CPA6: variants seen among roughly 807,000 people sequenced by gnomAD.
CPA6 encodes carboxypeptidase A6, also known as carboxypeptidase B.
CPA6 carries 58 observed loss-of-function variants against 63.3 expected under a neutral mutation model. The observed-to-expected ratio is 0.92, with a 90% CI of 0.74 to 1.14. The LOEUF is 1.14. CPA6 is among the 50% of genes most tolerant of loss of function. The probability of loss-of-function intolerance (pLI) is 0.00; values close to 1 mark genes in which losing one functional copy is unlikely to be tolerated. For missense variants in CPA6, 565 were observed against 526.6 expected, an observed-to-expected ratio of 1.07 and a Z score of -0.71; for synonymous variants, 185 against 179.0, an observed-to-expected ratio of 1.03 and a Z score of -0.27.
At chr8:67,732,992 C>T (rs182887693) in intron 1 of CPA6, among the ~76,000 whole-genome samples, 2 of 151,636 alleles carry the variant, frequency 1.3e-5, no homozygotes, top group Non-Finnish European at 2.9e-5. Flanking sequence ...GTCAGGAGAT[C>T]GAGACGATCC....
intron 8 of CPA6, among the ~76,000 whole-genome samples, chr8:67,445,982 C>T (rs748382121): frequency 8.9e-4 from 136 of 152,072 alleles, no homozygotes; most frequent in Non-Finnish European, 1.6e-3. Context: ...TAGTCATTTA[C>T]GGCCGGGGGC....
rs1817009654 is a variant in CPA6 at position 67,700,863 on chromosome 8, A to G, written c.116+45151T>C. ...CATGCTAGCATTCAAACATAAAATA[A>G]TAATCCTCAATCATTGATTTTTAAT... On this transcript the variant is annotated intron_variant, in intron 1 of 10. Transcript: ENST00000297770. Among the ~76,000 whole-genome samples, 6 of 152,188 alleles carry G rather than the reference A, an allele frequency of 3.9e-5. No homozygotes were observed. The South Asian group carries it at 1.2e-3, about 31-fold the overall frequency.
At position 67,480,269 on chromosome 8, in the gene CPA6, T is replaced by A. The variant is rs537868311; in HGVS notation, c.838+3499A>T. ...TACAATTCAATGGCTTTCAGTATAT[T>A]CACAATTGTCACATCTCATTCTAGA... On this transcript the variant is annotated intron_variant, in intron 8 of 10. Coordinates refer to ENST00000297770, the MANE Select transcript of CPA6 (RefSeq NM_020361.5). Among the ~76,000 whole-genome samples the A allele has an allele frequency of 1.4e-4, 21 of 152,274 alleles. No individual in the cohort carries two copies. In the East Asian group the frequency reaches 4.1e-3, roughly 29 times the overall value.
At chr8:67,558,185 C>T (rs1490099208) in intron 2 of CPA6, among the ~76,000 whole-genome samples, 2 of 152,186 alleles carry the variant, frequency 1.3e-5, no homozygotes, top group African/African-American at 4.8e-5. Context: ...CTGGAATGTT[C>T]TCTCTTGAGA....
At chr8:67,724,548 T>C (rs1817561395) in intron 1 of CPA6, among the ~76,000 whole-genome samples, 1 of 152,162 alleles carries the variant, frequency 6.6e-6, no homozygotes, top group Non-Finnish European at 1.5e-5. Flanking sequence ...GTTTAGAAAC[T>C]GAGTTTTGAG....
intron 1 of CPA6, among the ~76,000 whole-genome samples, chr8:67,659,684 G>A (rs1816066048): frequency 6.6e-6 from 1 of 152,156 alleles, no homozygotes; most frequent in Non-Finnish European, 1.5e-5. Flanking sequence ...CTGCCCTGAG[G>A]TCCTACTCTA....
chr8:67,615,663 A>G (rs954523167), intron 2 of CPA6, among the ~76,000 whole-genome samples: 2 of 152,214 alleles, frequency 1.3e-5, no homozygotes, highest in Non-Finnish European at 2.9e-5. Flanking sequence ...TTGCTCTTCC[A>G]TCAGTGCCTC....
At chr8:67,443,767 A>G (rs2128954310) in intron 8 of CPA6, among the ~76,000 whole-genome samples, 1 of 152,064 alleles carries the variant, frequency 6.6e-6, no homozygotes, top group South Asian at 2.1e-4. Flanking sequence ...AGGCAAGTCT[A>G]TAATCAGGGA....
chr8:67,568,796 T>C lies in CPA6; in HGVS notation c.193-50749A>G, dbSNP rs188953670. 4.6e-3 allele frequency among the ~76,000 whole-genome samples: 696 copies of C among 152,300 alleles called. 4 individuals carry two copies. Among genetic ancestry groups the C allele is most frequent in the African/African-American group, 0.016 (649 of 41,570 alleles). On this transcript the variant is annotated intron_variant, in intron 2 of 10. Transcript: ENST00000297770. ...GCAGAGTTTTGCTCTTGTTGCCCAG[T>C]TTGGAGTGCAGTGGCACGATCTCGG...
rs184179821 is a variant in CPA6 at position 67,496,647 on chromosome 8, G to A, written c.636+10140C>T. Among the ~76,000 whole-genome samples the A allele has an allele frequency of 2.8e-3, 416 of 148,732 alleles. 1 individual carries two copies. Among genetic ancestry groups the A allele is most frequent in the African/African-American group, 9.6e-3 (388 of 40,418 alleles). Reference sequence around the variant, plus strand: ...ACAATCTTGGCAGATTGCAACCTCCGCCTCCCCGGTTCAAGCGATTCTCCT... The same window carrying A: ...ACAATCTTGGCAGATTGCAACCTCCACCTCCCCGGTTCAAGCGATTCTCCT... On this transcript the variant is annotated intron_variant, in intron 6 of 10. Coordinates refer to ENST00000297770, the MANE Select transcript of CPA6 (RefSeq NM_020361.5).
At chr8:67,424,853 A>C (rs1266445444) in intron 10 of CPA6, among the ~76,000 whole-genome samples, 1 of 152,124 alleles carries the variant, frequency 6.6e-6, no homozygotes, top group Non-Finnish European at 1.5e-5. Flanking sequence ...AGCCTTTAAC[A>C]CAGCTGACAA....
intron 2 of CPA6, among the ~76,000 whole-genome samples, chr8:67,530,456 T>C (rs1812455433): frequency 2.6e-5 from 4 of 152,170 alleles, no homozygotes. Context: ...AAACTAGTCC[T>C]GGGACTTACG....
chr8:67,622,483 G>T (rs180846858), intron 2 of CPA6, among the ~76,000 whole-genome samples: 17 of 152,246 alleles, frequency 1.1e-4, no homozygotes, highest in Admixed American at 1.1e-3. Context: ...CACAATTTGG[G>T]GATGGGTTCT....
In CPA6 at chr8:67,547,561, G is replaced by A. The variant is rs920756964; in HGVS notation, c.193-29514C>T. Among the ~76,000 whole-genome samples the A allele has an allele frequency of 4.0e-5, 6 of 150,466 alleles. No homozygotes were observed. The East Asian group carries it at 5.9e-4, about 15-fold the overall frequency. ...CCCCCAGGCTGGAGTGCAGTGGTGCGATAATGGCTCACTGCAGTGACCTCC... is the reference window on the plus strand; with the variant it reads ...CCCCCAGGCTGGAGTGCAGTGGTGCAATAATGGCTCACTGCAGTGACCTCC... On this transcript the variant is annotated intron_variant, in intron 2 of 10. Coordinates refer to ENST00000297770, the MANE Select transcript of CPA6 (RefSeq NM_020361.5).
At chr8:67,444,371 T>C (rs1810366561) in intron 8 of CPA6, among the ~76,000 whole-genome samples, 1 of 152,114 alleles carries the variant, frequency 6.6e-6, no homozygotes, top group Non-Finnish European at 1.5e-5. Context: ...TCTATTTCAT[T>C]TTGGACATGT....
At chr8:67,737,412 T>C (rs1817833962) in intron 1 of CPA6, among the ~76,000 whole-genome samples, 2 of 152,228 alleles carry the variant, frequency 1.3e-5, no homozygotes, top group Non-Finnish European at 2.9e-5. Flanking sequence ...AAAGTCAAAA[T>C]ATCTTGCATA....
chr8:67,422,279 C>T lies in CPA6; in HGVS notation c.*225G>A. On this transcript the variant is annotated 3_prime_UTR_variant, in exon 11 of 11. Transcript: ENST00000297770. ...TCCCTCCCACCATAATCAAATAAGA[C>T]TCTAAAAGGATAGAAAATGGATGCT... 1 of 408,280 alleles carries T rather than the reference C, an allele frequency of 2.4e-6. No homozygotes were observed. The allele number at this position is 408,280 out of a possible 1,614,324, so 25.3% of individuals were successfully genotyped here. A position where few individuals can be genotyped will look rare whatever the true frequency, so the allele number is the denominator to read the frequency against.
Position 67,422,509 on chromosome 8 carries a change from G to C in CPA6, c.1309C>G (p.Pro437Ala). 3 of 1,613,682 alleles carry C rather than the reference G, an allele frequency of 1.9e-6. No individual in the cohort carries two copies. The highest frequency in any genetic ancestry group is 2.5e-6 in the Non-Finnish European group (3 of 1,179,686). ...GACCTGAGCCTTGGGCTGTCTCAGG[G>C]ACATTTCTTTAGCAGGTGCATTGTG... ...NITMHLLKKC[P>A] Residue 437 changes from proline to alanine, a missense_variant, in exon 11 of 11, where the codon CCC (proline) becomes GCC (alanine). By Grantham distance (27) the Pro-to-Ala change is conservative. Coordinates refer to ENST00000297770, the MANE Select transcript of CPA6 (RefSeq NM_020361.5).
intron 1 of CPA6, among the ~76,000 whole-genome samples, chr8:67,699,869 G>A (rs910403312): frequency 6.6e-6 from 1 of 152,144 alleles, no homozygotes; most frequent in African/African-American, 2.4e-5. Flanking sequence ...GATTACAGGC[G>A]TGAGCCACCA....
Sources: allele counts gnomAD v4.1 joint callset (sites outside exome capture counted in the v4.1 genomes callset), GRCh38; gene constraint gnomAD v4.1.1; transcripts MANE v1.5; gene names NCBI Gene and HGNC (gene_info 2026-07-23, HGNC 2026-07-21).